DDI2: variants seen among roughly 807,000 people sequenced by gnomAD.
The protein encoded by DDI2 is protein DDI1 homolog 2.
DDI2 carries 5 observed loss-of-function variants against 48.1 expected under a neutral mutation model. The observed-to-expected ratio is 0.10, with a 90% CI of 0.05 to 0.22. DDI2 has a LOEUF of 0.22. Among genes scored for constraint, DDI2 ranks in the 10% least tolerant of loss-of-function variants. The probability of loss-of-function intolerance (pLI) is 1.00; values close to 1 mark genes in which losing one functional copy is unlikely to be tolerated. For synonymous variants in DDI2, 205 were observed against 183.6 expected (o/e 1.12, Z -0.94); for missense variants, 285 against 506.2 (o/e 0.56, Z 4.19).
intron 3 of DDI2, among the ~76,000 whole-genome samples, chr1:15,631,470 C>G (rs1166246316): frequency 1.3e-5 from 2 of 152,214 alleles, no homozygotes; most frequent in African/African-American, 4.8e-5. Context: ...TCTCATTTTA[C>G]TCTTGGGTTT....
At chr1:15,638,530 C>A in intron 5 of DDI2, 96 bp downstream of exon 5, 243 of 570,860 alleles carry the variant, frequency 4.3e-4, no homozygotes, top group Non-Finnish European at 5.5e-4. Context: ...GATGGCTGTA[C>A]TTTTTTTTTT....
chr1:15,621,596 C>G (rs78175477), intron 1 of DDI2, among the ~76,000 whole-genome samples: 48,842 of 151,916 alleles, frequency 0.32, 8,752 homozygotes, highest in African/African-American at 0.46. Flanking sequence ...GTGTTGGCCA[C>G]GCTGGTCTCA....
At chr1:15,650,824 A>G (rs758434483) in intron 7 of DDI2, among the ~76,000 whole-genome samples, 6 of 152,194 alleles carry the variant, frequency 3.9e-5, no homozygotes, top group Non-Finnish European at 7.4e-5. Flanking sequence ...GATGCATCAT[A>G]TTGATAATAA....
chr1:15,644,427 C>T (rs1020647312), intron 6 of DDI2, among the ~76,000 whole-genome samples: 2 of 152,096 alleles, frequency 1.3e-5, no homozygotes, highest in African/African-American at 2.4e-5. Flanking sequence ...TTTTTCCCTA[C>T]ATTATACTGG....
intron 7 of DDI2, among the ~76,000 whole-genome samples, chr1:15,650,149 G>C (rs182677651): frequency 6.6e-6 from 1 of 152,184 alleles, no homozygotes; most frequent in Admixed American, 6.5e-5. Flanking sequence ...TAAAAAGTGT[G>C]AGTCAAGTAA....
chr1:15,637,870 G>T (rs1639952504), intron 4 of DDI2, among the ~76,000 whole-genome samples: 1 of 152,116 alleles, frequency 6.6e-6, no homozygotes, highest in Non-Finnish European at 1.5e-5. Flanking sequence ...AGATGAAGCA[G>T]CAGATGCAGC....
At position 15,662,795 on chromosome 1, in the gene DDI2, G is replaced by C. The variant is rs961223601; in HGVS notation, c.*3005G>C. The C allele has an allele frequency of 1.3e-5, 2 of 152,216 alleles. No homozygotes were observed. The highest frequency in any genetic ancestry group is 4.8e-5 in the African/African-American group (2 of 41,452). 9.4% of individuals were successfully genotyped at this position (152,216 alleles called of 1,614,324 possible). ...TTGGAACGGTCAGTCTATTTGGAGA[G>C]TGTCCTTTGTGGCAGTGGAAATAGT... On this transcript the variant is annotated 3_prime_UTR_variant, in exon 10 of 10. Transcript: ENST00000480945.
At chr1:15,656,456 A>G in intron 8 of DDI2, 161 bp from the exon 9 acceptor site, 12 of 1,515,076 alleles carry the variant, frequency 7.9e-6, no homozygotes, top group Non-Finnish European at 9.7e-6. Flanking sequence ...GGAAGCAACC[A>G]ACAAATATTT....
intron 8 of DDI2, among the ~76,000 whole-genome samples, chr1:15,655,344 C>G (rs1640254646): frequency 6.6e-6 from 1 of 152,088 alleles, no homozygotes; most frequent in African/African-American, 2.4e-5. Flanking sequence ...TCTGGCCAAG[C>G]ATGGTGGCTC....
chr1:15,637,187 A>G (rs1639942992), intron 4 of DDI2, among the ~76,000 whole-genome samples: 1 of 152,182 alleles, frequency 6.6e-6, no homozygotes, highest in South Asian at 2.1e-4. Flanking sequence ...TTCTCGTGTA[A>G]GAATTAGAGT....
chr1:15,638,440 GTC>G lies in DDI2; in HGVS notation c.760+10_760+11del. 1 of 1,611,460 alleles carries G rather than the reference GTC, an allele frequency of 6.2e-7. No individual in the cohort carries two copies. Among genetic ancestry groups the G allele is most frequent in the South Asian group, 1.1e-5 (1 of 91,010 alleles). The stretch of plus-strand genomic sequence containing the variant: ...GAAAGCCTTTGTTGACTCAGGTGAC[GTC>G]TCTGTCTTTTATTTCTTGGTCTCCC... On this transcript the variant is annotated splice_region_variant and intron_variant, in intron 5 of 9. Transcript: ENST00000480945.
intron 2 of DDI2, among the ~76,000 whole-genome samples, chr1:15,628,232 A>G (rs1639788009): frequency 6.6e-6 from 1 of 152,172 alleles, no homozygotes; most frequent in Admixed American, 6.6e-5. Context: ...ACCTGCAAAG[A>G]GGGCCCACCC....
intron 5 of DDI2, among the ~76,000 whole-genome samples, chr1:15,639,437 A>G (rs1351698855): frequency 1.3e-5 from 2 of 152,074 alleles, no homozygotes; most frequent in South Asian, 2.1e-4. Flanking sequence ...TTGTTCATCT[A>G]CACATTCCTG....
rs747414850 is a variant in DDI2 at position 15,656,604 on chromosome 1, C to T, written c.1184-13C>T. The T allele has an allele frequency of 6.2e-7, 1 of 1,614,118 alleles. No individual in the cohort carries two copies. Among genetic ancestry groups the T allele is most frequent in the South Asian group, 1.1e-5 (1 of 91,084 alleles). On this transcript the variant is annotated splice_polypyrimidine_tract_variant and intron_variant, in intron 8 of 9. Coordinates refer to ENST00000480945, the MANE Select transcript of DDI2 (RefSeq NM_032341.5). ...TAACCCAAGTTTGCTTGTCTGTTTC[C>T]TAATTCACACAGAGCGTCAGAAGCC...
chr1:15,636,298 T>C (rs892373519), intron 4 of DDI2, among the ~76,000 whole-genome samples: 5 of 152,104 alleles, frequency 3.3e-5, no homozygotes, highest in African/African-American at 1.2e-4. Context: ...GGCTAATTTT[T>C]CTTGTATTTT....
chr1:15,645,966 C>CTGAAAGT (rs1640084637), intron 6 of DDI2, among the ~76,000 whole-genome samples: 1 of 151,672 alleles, frequency 6.6e-6, no homozygotes, highest in Non-Finnish European at 1.5e-5. Context: ...TAGGGTGGGT[C>CTGAAAGT]TGAAAGTTGG....
intron 9 of DDI2, among the ~76,000 whole-genome samples, chr1:15,657,852 G>A (rs1640294368): frequency 6.6e-6 from 1 of 152,184 alleles, no homozygotes; most frequent in African/African-American, 2.4e-5. Context: ...AATGGGTATA[G>A]CCTAAACTGA....
rs1639584570 is a variant in DDI2 at position 15,617,648 on chromosome 1, C to CCT, written c.-22_-21insTC. On this transcript the variant is annotated 5_prime_UTR_variant, in exon 1 of 10. Transcript: ENST00000480945. ...CGCGCCCAGGCCGGGCCGAGCCGAG[C>CCT]CGAGCCGGGTCGGGCCCGGGCCATG... 1 of 1,399,770 alleles carries CCT rather than the reference C, an allele frequency of 7.1e-7. No homozygotes were observed. The highest frequency in any genetic ancestry group is 2.9e-5 in the East Asian group (1 of 34,344). The allele number at this position is 1,399,770 out of a possible 1,614,324, so 86.7% of individuals were successfully genotyped here. A position where few individuals can be genotyped will look rare whatever the true frequency, so the allele number is the denominator to read the frequency against.
At position 15,665,780 on chromosome 1, in the gene DDI2, G is replaced by A. The variant is rs1640443844; in HGVS notation, c.*5990G>A. ...AATCATCGGCCAGAAAAGCTGCAGGGCGTTGCAATGGCCTTTTCCTACCTG... is the reference window on the plus strand; with the variant it reads ...AATCATCGGCCAGAAAAGCTGCAGGACGTTGCAATGGCCTTTTCCTACCTG... On this transcript the variant is annotated 3_prime_UTR_variant, in exon 10 of 10. Transcript: ENST00000480945. 6.6e-6 allele frequency: 1 copy of A among 152,158 alleles called. No individual in the cohort carries two copies. Among genetic ancestry groups the A allele is most frequent in the Non-Finnish European group, 1.5e-5 (1 of 68,024 alleles). The allele number at this position is 152,158 out of a possible 1,614,324, so 9.4% of individuals were successfully genotyped here. A position where few individuals can be genotyped will look rare whatever the true frequency, so the allele number is the denominator to read the frequency against.
Sources: gnomAD v4.1 joint callset for allele counts (sites outside exome capture counted in the v4.1 genomes callset) on GRCh38, gnomAD v4.1.1 for gene constraint, MANE v1.5 for transcripts, NCBI Gene and HGNC (gene_info 2026-07-23, HGNC 2026-07-21) for gene names.